The following ADAM28 variants were observed in gnomAD, a reference collection of about 807,000 sequenced individuals.
The protein encoded by ADAM28 is ADAM metallopeptidase domain 28, also known as disintegrin and metalloproteinase domain-containing protein 28.
In ADAM28, 105 loss-of-function variants were observed where a neutral mutation model predicts 101.2. The observed-to-expected ratio is 1.04, with a 90% CI of 0.89 to 1.22. The LOEUF is 1.22. Ranked by LOEUF, ADAM28 falls within the 50% of genes most tolerant of loss-of-function variation. The pLI, the probability that ADAM28 is intolerant of heterozygous loss-of-function variation, is 0.00. For synonymous variants in ADAM28, 322 were observed against 310.6 expected (o/e 1.04, Z -0.39); for missense variants, 1,028 against 945.4 (o/e 1.09, Z -1.15).
rs375295239 is a variant in ADAM28, at chr8:24,313,532, G to T, written c.528G>T (p.Trp176Cys). The T allele has an allele frequency of 4.5e-5, 72 of 1,613,652 alleles. No individual in the cohort carries two copies. The highest frequency in any genetic ancestry group is 5.9e-5 in the Non-Finnish European group (70 of 1,179,828). ...CCTGTGGGATGGATGGTGTGTTGTGGGCCCACGATTTGCAGCAGAACATTG... is the reference window on the plus strand; with the variant it reads ...CCTGTGGGATGGATGGTGTGTTGTGTGCCCACGATTTGCAGCAGAACATTG... ...DSTCGMDGVL[W>C]AHDLQQNIAL... The change falls in exon 6 of 23, where the codon TGG becomes TGT. Residue 176 changes from tryptophan (W) to cysteine (C), a missense_variant. By Grantham distance (215) the Trp-to-Cys change is radical. Transcript: ENST00000265769.
chr8:24,311,246 C>T (rs1052979235), intron 4 of ADAM28, 115 bp from the exon 5 acceptor site: 4 of 683,106 alleles, frequency 5.9e-6, no homozygotes, highest in Non-Finnish European at 9.9e-6. Context: ...TACTGTTGTA[C>T]AGCAGAATAT....
intron 2 of ADAM28, among the ~76,000 whole-genome samples, chr8:24,301,872 A>G (rs148749184): frequency 2.6e-5 from 4 of 152,302 alleles, no homozygotes; most frequent in African/African-American, 7.2e-5. Context: ...AGTTTGTTGT[A>G]TCGTTTACTG....
chr8:24,309,196 C>T (rs938804795), intron 2 of ADAM28, among the ~76,000 whole-genome samples: 6 of 152,092 alleles, frequency 3.9e-5, no homozygotes, highest in African/African-American at 9.7e-5. Flanking sequence ...ATGGTTTACC[C>T]GAGGTAATAT....
At chr8:24,300,149 G>A (rs77570572) in intron 2 of ADAM28, 72 bp downstream of exon 2, 36,981 of 1,212,962 alleles carry the variant, frequency 0.03, 672 homozygotes, top group Non-Finnish European at 0.037. Flanking sequence ...ATCTATCTAT[G>A]ATGAGAGATA....
chr8:24,330,188 G>A lies in ADAM28; in HGVS notation c.1103+73G>A, dbSNP rs1313055939. ...ATCCACTGTGGGCTGTACTACTTTA[G>A]GTCATCTTCAACAACGTGTTCGAGT... On this transcript the variant is annotated intron_variant, in intron 11 of 22. Transcript: ENST00000265769. 4.0e-6 allele frequency: 6 copies of A among 1,491,226 alleles called. No individual in the cohort carries two copies. The African/African-American group carries it at 7.0e-5, about 17-fold the overall frequency. 92.4% of individuals were successfully genotyped at this position (1,491,226 alleles called of 1,614,324 possible).
Position 24,326,644 on chromosome 8 carries a change from G to A in ADAM28, c.972+9G>A, listed in dbSNP as rs1425382175. The A allele has an allele frequency of 5.0e-6, 8 of 1,604,992 alleles. No individual in the cohort carries two copies. The highest frequency in any genetic ancestry group is 1.7e-4 in the Middle Eastern group (1 of 6,050). ...CTGTTGGCGTTGTTCAGGTCTGTAT[G>A]ATGATAAACTGTTGGTTCTATGATT... On this transcript the variant is annotated intron_variant, in intron 10 of 22. Coordinates refer to ENST00000265769, the MANE Select transcript of ADAM28 (RefSeq NM_014265.6).
At chr8:24,311,750 C>T (rs1375832835) in intron 5 of ADAM28, among the ~76,000 whole-genome samples, 3 of 151,964 alleles carry the variant, frequency 2.0e-5, no homozygotes, top group African/African-American at 7.2e-5. Flanking sequence ...TTATTTTACT[C>T]ATTGATTTAG....
At chr8:24,305,550 C>G (rs1408176581) in intron 2 of ADAM28, among the ~76,000 whole-genome samples, 1 of 138,072 alleles carries the variant, frequency 7.2e-6, no homozygotes, top group Non-Finnish European at 1.5e-5. Context: ...AACATAAATA[C>G]TTGTTTCATT....
At chr8:24,331,076 T>A in intron 11 of ADAM28, 74 bp from the exon 12 acceptor site, 1 of 1,420,290 alleles carries the variant, frequency 7.0e-7, no homozygotes, top group Non-Finnish European at 9.5e-7. Context: ...GGTGTAATTG[T>A]GCCTAATGTC....
rs1054036426 is a variant in ADAM28 at position 24,357,842 on chromosome 8, T to TGATA, written c.*3440_*3443dup. The TGATA allele has an allele frequency of 6.6e-6, 1 of 152,216 alleles. No homozygotes were observed. Among genetic ancestry groups the TGATA allele is most frequent in the Non-Finnish European group, 1.5e-5 (1 of 68,042 alleles). 9.4% of individuals were successfully genotyped at this position (152,216 alleles called of 1,614,324 possible). ...GCACCGAGGATTTGCTTGAAATCTC[T>TGATA]GATAGCCAGTATTCTCATTTATCAT... On this transcript the variant is annotated 3_prime_UTR_variant, in exon 23 of 23. Coordinates refer to ENST00000265769, the MANE Select transcript of ADAM28 (RefSeq NM_014265.6).
intron 8 of ADAM28, 95 bp from the exon 9 acceptor site, chr8:24,323,739 G>C: frequency 8.0e-7 from 1 of 1,254,172 alleles, no homozygotes; most frequent in Non-Finnish European, 1.1e-6. Context: ...TTATACTGCT[G>C]TGATGAATGT....
intron 18 of ADAM28, among the ~76,000 whole-genome samples, chr8:24,348,979 T>A (rs1330699798): frequency 6.6e-6 from 1 of 152,226 alleles, no homozygotes; most frequent in Non-Finnish European, 1.5e-5. Flanking sequence ...CTTTGACTTT[T>A]TGGATTGGAA....
intron 16 of ADAM28, 40 bp downstream of exon 16, chr8:24,341,797 T>C (rs1280582898): frequency 3.1e-6 from 5 of 1,612,470 alleles, no homozygotes; most frequent in Non-Finnish European, 4.2e-6. Flanking sequence ...ATAGTGTTTT[T>C]TACTTTGGTG....
At position 24,335,632 on chromosome 8, in the gene ADAM28, T is replaced by C; in HGVS notation, c.1558T>C (p.Trp520Arg). 6.2e-7 allele frequency: 1 copy of C among 1,604,502 alleles called. No homozygotes were observed. Among genetic ancestry groups the C allele is most frequent in the Non-Finnish European group, 8.5e-7 (1 of 1,176,008 alleles). The change falls in exon 14 of 23, where the codon TGG (tryptophan) becomes CGG (arginine). Residue 520 changes from tryptophan (W) to arginine (R), a missense_variant. Coordinates refer to ENST00000265769, the MANE Select transcript of ADAM28 (RefSeq NM_014265.6). ...ACTGCAGGAGCAGTGCACAGAGCTG[T>C]GGGGACCAGGTAGGAGGACAAATCC... Reference protein sequence around the residue: ...PTLQEQCTELWGPGTEVADKS... With the variant: ...PTLQEQCTELRGPGTEVADKS...
chr8:24,315,178 C>T (rs575422357), intron 6 of ADAM28, among the ~76,000 whole-genome samples: 3 of 151,744 alleles, frequency 2.0e-5, no homozygotes, highest in South Asian at 2.1e-4. Flanking sequence ...TATGCTGCCT[C>T]CAAGAGACAT....
At chr8:24,322,805 A>G (rs777836642) in intron 8 of ADAM28, 3 of 151,904 alleles carry the variant, frequency 2.0e-5, no homozygotes, top group Non-Finnish European at 4.4e-5. Context: ...TTTTTTTTAA[A>G]AGAAATATTT....
intron 2 of ADAM28, among the ~76,000 whole-genome samples, chr8:24,301,684 T>C (rs1808798263): frequency 1.3e-5 from 2 of 152,138 alleles, no homozygotes; most frequent in Admixed American, 1.3e-4. Context: ...CAACTTTATG[T>C]GTTAGTATTA....
chr8:24,356,290 T>A lies in ADAM28; in HGVS notation c.*1886T>A, dbSNP rs1816680009. The A allele has an allele frequency of 1.3e-5, 2 of 152,180 alleles. No individual in the cohort carries two copies. The highest frequency in any genetic ancestry group is 2.9e-5 in the Non-Finnish European group (2 of 68,030). 9.4% of individuals were successfully genotyped at this position (152,180 alleles called of 1,614,324 possible). A position where few individuals can be genotyped will look rare whatever the true frequency, so the allele number is the denominator to read the frequency against. On this transcript the variant is annotated 3_prime_UTR_variant, in exon 23 of 23. Transcript: ENST00000265769. ...TTTTCTGTGTTGTTGTTGTTGTTTT[T>A]TAAATATCTGTCCCCAGTAATAGAT...
At chr8:24,295,013 G>T (rs1807775112) in intron 1 of ADAM28, among the ~76,000 whole-genome samples, 1 of 152,146 alleles carries the variant, frequency 6.6e-6, no homozygotes, top group Non-Finnish European at 1.5e-5. Flanking sequence ...TTGGGTCTTA[G>T]AATGTTTGCT....
Sources: allele counts gnomAD v4.1 joint callset (sites outside exome capture counted in the v4.1 genomes callset), GRCh38; gene constraint gnomAD v4.1.1; transcripts MANE v1.5; gene names NCBI Gene and HGNC (gene_info 2026-07-23, HGNC 2026-07-21).